NOL4L: variants seen among roughly 807,000 people sequenced by gnomAD.
NOL4L encodes nucleolar protein 4 like.
In NOL4L, 7 loss-of-function variants were observed where a neutral mutation model predicts 64.5. That is an observed-to-expected ratio of 0.11 (90% CI 0.06 to 0.20). The LOEUF (loss-of-function observed/expected upper bound fraction) is 0.20. NOL4L is among the 10% of genes least tolerant of loss of function. The probability of loss-of-function intolerance (pLI) is 1.00; values close to 1 mark genes in which losing one functional copy is unlikely to be tolerated. For synonymous variants in NOL4L, 413 were observed against 401.0 expected (o/e 1.03, Z -0.36); for missense variants, 680 against 967.1 (o/e 0.70, Z 3.94).
intron 5 of NOL4L, among the ~76,000 whole-genome samples, chr20:32,474,171 C>G (rs2015224358): frequency 6.6e-6 from 1 of 152,266 alleles, no homozygotes; most frequent in African/African-American, 2.4e-5. Flanking sequence ...TGCCTGGTCA[C>G]TCACCAGGTG....
chr20:32,544,297 G>A lies in NOL4L; in HGVS notation c.322-16384C>T, dbSNP rs569300724. Among the ~76,000 whole-genome samples the A allele has an allele frequency of 3.3e-5, 5 of 151,782 alleles. 1 individual carries two copies. The South Asian group carries it at 1.0e-3, about 32-fold the overall frequency. ...GAGCTGCTGGAAGGATGATGGGAAG[G>A]CAGGGGGCGGGTGGAGAAAGGAAGG... On this transcript the variant is annotated intron_variant, in intron 1 of 10. Coordinates refer to ENST00000621426, the MANE Select transcript of NOL4L (RefSeq NM_001256798.2).
Position 32,463,908 on chromosome 20 carries a change from AC to A in NOL4L, c.842-7514del, listed in dbSNP as rs2014315426. On this transcript the variant is annotated intron_variant, in intron 5 of 10. Transcript: ENST00000621426. This position sits in a 1 kb window ranked among gnomAD's most constrained non-coding sequence, Gnocchi z 5.8. ...ATCCCTGGGACCACAGGCCAGGTAC[AC>A]GGCCACTGGAGGCCAGCAGGCCCTG... 1.3e-5 allele frequency among the ~76,000 whole-genome samples: 2 copies of A among 152,138 alleles called. No individual in the cohort carries two copies. The highest frequency in any genetic ancestry group is 4.2e-4 in the South Asian group (2 of 4,818).
chr20:32,562,448 C>T (rs1568714860), intron 1 of NOL4L, among the ~76,000 whole-genome samples: 1 of 152,184 alleles, frequency 6.6e-6, no homozygotes, highest in Non-Finnish European at 1.5e-5. Context: ...GCTCCGCCCA[C>T]CTCAGGTTTA....
chr20:32,447,038 C>A lies in NOL4L; in HGVS notation c.*558G>T. 1 of 343,850 alleles carries A rather than the reference C, an allele frequency of 2.9e-6. No homozygotes were observed. The highest frequency in any genetic ancestry group is 5.7e-6 in the Non-Finnish European group (1 of 176,892). 21.3% of individuals were successfully genotyped at this position (343,850 alleles called of 1,614,324 possible). ...CAGCCAGCCTGGCACCTGTCCTGCC[C>A]CTACTGGCCCCAGCCCACATCAGTG... On this transcript the variant is annotated 3_prime_UTR_variant, in exon 11 of 11. Coordinates refer to ENST00000621426, the MANE Select transcript of NOL4L (RefSeq NM_001256798.2).
chr20:32,474,457 C>T (rs2145482540), intron 5 of NOL4L, 144 bp downstream of exon 5: 1 of 899,106 alleles, frequency 1.1e-6, no homozygotes, highest in Non-Finnish European at 1.6e-6. Context: ...ACACTGGGGG[C>T]AGTGCAAGCT....
At chr20:32,472,152 G>A (rs2015067753) in intron 5 of NOL4L, among the ~76,000 whole-genome samples, 2 of 152,226 alleles carry the variant, frequency 1.3e-5, no homozygotes, top group Admixed American at 1.3e-4. Flanking sequence ...ATCAGAGGCG[G>A]AGCTCCATCT....
rs114785644 is a variant in NOL4L at position 32,471,740 on chromosome 20, G to A, written c.841+2861C>T. Reference sequence around the variant, plus strand: ...AGGGGCAGATTCCTTATGAGTGGCTGGGTGCTGTATGGAGTGAGTTCTCAC... The same window carrying A: ...AGGGGCAGATTCCTTATGAGTGGCTAGGTGCTGTATGGAGTGAGTTCTCAC... On this transcript the variant is annotated intron_variant, in intron 5 of 10. Coordinates refer to ENST00000621426, the MANE Select transcript of NOL4L (RefSeq NM_001256798.2). 3.4e-3 allele frequency among the ~76,000 whole-genome samples: 521 copies of A among 152,224 alleles called. 4 individuals carry two copies. The highest frequency in any genetic ancestry group is 0.012 in the African/African-American group (491 of 41,514).
At chr20:32,531,651 C>A (rs1294376156) in intron 1 of NOL4L, among the ~76,000 whole-genome samples, 1 of 152,144 alleles carries the variant, frequency 6.6e-6, no homozygotes, top group Non-Finnish European at 1.5e-5. Context: ...CTGTGCCCGG[C>A]CTATTTTTAT....
At chr20:32,475,773 G>C (rs752808282) in intron 4 of NOL4L, among the ~76,000 whole-genome samples, 1 of 151,800 alleles carries the variant, frequency 6.6e-6, no homozygotes, top group South Asian at 2.1e-4. Flanking sequence ...CCTCCCCTCC[G>C]GGGCCCCCCT....
At chr20:32,488,789 TCC>T (rs1277569662) in intron 4 of NOL4L, among the ~76,000 whole-genome samples, 1 of 36,822 alleles carries the variant, frequency 2.7e-5, no homozygotes, top group Non-Finnish European at 4.1e-5. Context: ...CTTCCTTCCT[TCC>T]TTTCTTTCTT....
intron 5 of NOL4L, among the ~76,000 whole-genome samples, chr20:32,459,368 G>A (rs376723757): frequency 1.6e-4 from 24 of 148,702 alleles, no homozygotes; most frequent in African/African-American, 5.2e-4. Flanking sequence ...CGCACACCAC[G>A]ACGCTTGGCT....
chr20:32,457,542 C>T, intron 5 of NOL4L, among the ~76,000 whole-genome samples: 1 of 152,006 alleles, frequency 6.6e-6, no homozygotes, highest in East Asian at 1.9e-4. Context: ...CCAGAGCGTC[C>T]CCATGGCGAC....
chr20:32,488,817 C>CTT (rs1394405957), intron 4 of NOL4L, among the ~76,000 whole-genome samples: 3 of 23,938 alleles, frequency 1.3e-4, no homozygotes, highest in African/African-American at 2.4e-4. Flanking sequence ...TTCTTTCTTT[C>CTT]TTTCTTTCTT....
intron 1 of NOL4L, among the ~76,000 whole-genome samples, chr20:32,544,031 C>G (rs1167692259): frequency 2.0e-5 from 3 of 152,032 alleles, no homozygotes; most frequent in Non-Finnish European, 2.9e-5. Context: ...GGAGGCTATG[C>G]TGAACGTGCT....
intron 2 of NOL4L, among the ~76,000 whole-genome samples, chr20:32,525,687 C>T (rs1476405432): frequency 6.6e-6 from 1 of 152,150 alleles, no homozygotes; most frequent in African/African-American, 2.4e-5. Flanking sequence ...CTCAAGCAAT[C>T]CTCCTGCCTC....
Position 32,463,471 on chromosome 20 carries a change from G to A in NOL4L, c.842-7076C>T, listed in dbSNP as rs1600669873. Reference sequence around the variant, plus strand: ...GCAGCCCGGGATGCACCCCCTCTCAGCATTTCCACAAAACCAGGCCCTCCC... The same window carrying A: ...GCAGCCCGGGATGCACCCCCTCTCAACATTTCCACAAAACCAGGCCCTCCC... On this transcript the variant is annotated intron_variant, in intron 5 of 10. Transcript: ENST00000621426. The surrounding 1 kb of genome is among the most constrained non-coding windows in gnomAD (Gnocchi z 5.8). Among the ~76,000 whole-genome samples the A allele has an allele frequency of 6.6e-6, 1 of 152,302 alleles. No homozygotes were observed. The highest frequency in any genetic ancestry group is 2.4e-5 in the African/African-American group (1 of 41,572).
intron 4 of NOL4L, among the ~76,000 whole-genome samples, chr20:32,499,515 G>A (rs2016832253): frequency 6.6e-6 from 1 of 152,114 alleles, no homozygotes. Flanking sequence ...GAGGCAGGCA[G>A]ATCACTTGAG....
chr20:32,556,276 G>GT (rs1239334853), intron 1 of NOL4L, among the ~76,000 whole-genome samples: 1 of 34,632 alleles, frequency 2.9e-5, no homozygotes, highest in African/African-American at 1.5e-4. Context: ...TTCCTTTGTG[G>GT]GGGGGGGGGG....
intron 3 of NOL4L, among the ~76,000 whole-genome samples, chr20:32,516,211 T>C (rs112455558): frequency 0.042 from 6,396 of 151,514 alleles, 455 homozygotes; most frequent in African/African-American, 0.15. Context: ...AGAGAGGCCG[T>C]GAGACCAGCC....
Sources: allele counts gnomAD v4.1 joint callset (sites outside exome capture counted in the v4.1 genomes callset), GRCh38; gene constraint gnomAD v4.1.1; non-coding constraint Gnocchi (gnomAD v3.1); transcripts MANE v1.5; gene names NCBI Gene and HGNC (gene_info 2026-07-23, HGNC 2026-07-21).